The following RNF216 variants were observed in gnomAD, a reference collection of about 807,000 sequenced individuals.
The protein encoded by RNF216 is E3 ubiquitin-protein ligase RNF216.
Under a neutral mutation model 110.8 loss-of-function variants are expected in RNF216, and 72 were observed. The observed-to-expected ratio is 0.65, with a 90% CI of 0.54 to 0.79. The LOEUF (loss-of-function observed/expected upper bound fraction) is 0.79. Among genes scored for constraint, RNF216 ranks in the 30% least tolerant of loss-of-function variants. The pLI, the probability that RNF216 is intolerant of heterozygous loss-of-function variation, is 0.00. For synonymous variants in RNF216, 495 were observed against 407.5 expected (o/e 1.21, Z -2.59); for missense variants, 1,342 against 1,141.2 (o/e 1.18, Z -2.54).
chr7:5,677,091 T>C (rs146799683), intron 13 of RNF216, among the ~76,000 whole-genome samples: 38 of 152,344 alleles, frequency 2.5e-4, no homozygotes, highest in Non-Finnish European at 5.1e-4. Context: ...TCTCCCTTGT[T>C]TTTAGGGCAC....
chr7:5,691,839 G>A (rs1003831024), intron 13 of RNF216, among the ~76,000 whole-genome samples: 2 of 152,192 alleles, frequency 1.3e-5, no homozygotes, highest in South Asian at 2.1e-4. Context: ...TCTTACAGAA[G>A]GCAATGTCTG....
chr7:5,663,319 G>A (rs1214371037), intron 13 of RNF216, among the ~76,000 whole-genome samples: 2 of 152,166 alleles, frequency 1.3e-5, no homozygotes, highest in Non-Finnish European at 2.9e-5. Flanking sequence ...GGTGGCTTAC[G>A]CCTGTAATCC....
intron 1 of RNF216, chr7:5,780,318 C>G (rs1034912582): frequency 6.6e-6 from 1 of 152,168 alleles, no homozygotes; most frequent in Non-Finnish European, 1.5e-5. Context: ...AGGCCCTCTG[C>G]TCTGCTCACC....
intron 13 of RNF216, among the ~76,000 whole-genome samples, chr7:5,667,896 T>TG (rs1348204436): frequency 2.6e-5 from 4 of 152,146 alleles, no homozygotes; most frequent in Non-Finnish European, 5.9e-5. Context: ...GGTCTGGGCA[T>TG]GGGATGGGAA....
intron 11 of RNF216, among the ~76,000 whole-genome samples, chr7:5,714,744 T>G (rs1050023586): frequency 1.4e-5 from 2 of 147,060 alleles, no homozygotes; most frequent in Admixed American, 1.4e-4. Flanking sequence ...ATATATTTAA[T>G]CCAATAGGCT....
intron 5 of RNF216, among the ~76,000 whole-genome samples, chr7:5,738,062 C>G (rs1392739480): frequency 7.3e-6 from 1 of 137,882 alleles, no homozygotes; most frequent in Non-Finnish European, 1.5e-5. Context: ...GCACTCTAGC[C>G]TGGGCAACAG....
chr7:5,634,489 C>A (rs1473238504), intron 15 of RNF216, among the ~76,000 whole-genome samples: 1 of 152,214 alleles, frequency 6.6e-6, no homozygotes, highest in Admixed American at 6.5e-5. Context: ...TCCCCAGCAA[C>A]AGGAAGTTGG....
At chr7:5,705,987 G>A (rs1352881528) in intron 13 of RNF216, among the ~76,000 whole-genome samples, 1 of 151,850 alleles carries the variant, frequency 6.6e-6, no homozygotes, top group African/African-American at 2.4e-5. Flanking sequence ...GGAGGCCGAA[G>A]CAGGTGGAGG....
At chr7:5,757,855 T>C (rs1161182579) in intron 2 of RNF216, among the ~76,000 whole-genome samples, 1 of 152,082 alleles carries the variant, frequency 6.6e-6, no homozygotes, top group Non-Finnish European at 1.5e-5. Context: ...TGATGCATAA[T>C]AAAAAATTAT....
intron 13 of RNF216, among the ~76,000 whole-genome samples, chr7:5,667,622 C>T (rs1366023295): frequency 6.6e-6 from 1 of 152,234 alleles, no homozygotes; most frequent in African/African-American, 2.4e-5. Flanking sequence ...ACAAGCCAGG[C>T]TGACCTTGTC....
intron 9 of RNF216, among the ~76,000 whole-genome samples, chr7:5,720,546 G>A (rs564777929): frequency 4.9e-4 from 75 of 152,164 alleles, no homozygotes; most frequent in Non-Finnish European, 9.4e-4. Context: ...GCTGCACAGG[G>A]GGAAGCACTC....
intron 8 of RNF216, among the ~76,000 whole-genome samples, chr7:5,721,470 C>G (rs1020835100): frequency 2.0e-5 from 3 of 152,218 alleles, no homozygotes; most frequent in African/African-American, 7.2e-5. Flanking sequence ...TATTTCACTA[C>G]TGAGGACATT....
intron 1 of RNF216, among the ~76,000 whole-genome samples, chr7:5,774,661 T>C (rs1285027563): frequency 6.6e-5 from 10 of 152,074 alleles, no homozygotes; most frequent in African/African-American, 2.2e-4. Context: ...ACCATCAAAA[T>C]AGCTGCATTG....
chr7:5,701,175 G>A (rs755999023), intron 13 of RNF216, among the ~76,000 whole-genome samples: 2 of 152,148 alleles, frequency 1.3e-5, no homozygotes, highest in Admixed American at 6.5e-5. Flanking sequence ...CTTGAATAAC[G>A]TGGACTAAAG....
chr7:5,726,352 T>G (rs1320330339), intron 7 of RNF216, among the ~76,000 whole-genome samples: 1 of 152,152 alleles, frequency 6.6e-6, no homozygotes, highest in Non-Finnish European at 1.5e-5. Flanking sequence ...TGAGTCCCAT[T>G]CTGTAGGCAA....
At chr7:5,675,909 A>G (rs1790258793) in intron 13 of RNF216, among the ~76,000 whole-genome samples, 2 of 151,758 alleles carry the variant, frequency 1.3e-5, no homozygotes, top group South Asian at 2.1e-4. Context: ...GGGTTTCTCT[A>G]TGTTGGTCAG....
rs1462554476 is a variant in RNF216 at position 5,620,685 on chromosome 7, T to C, written c.*2175A>G. On this transcript the variant is annotated 3_prime_UTR_variant, in exon 17 of 17. Transcript: ENST00000389902. ...TCTCAAATGACCCACCCCTGGGGTT[T>C]GGCCTTAGGAGAAACATCACTCTGG... 6.6e-6 allele frequency: 1 copy of C among 152,342 alleles called. No individual in the cohort carries two copies. The highest frequency in any genetic ancestry group is 1.5e-5 in the Non-Finnish European group (1 of 68,140). 9.4% of individuals were successfully genotyped at this position (152,342 alleles called of 1,614,324 possible).
At chr7:5,691,930 G>C (rs918493232) in intron 13 of RNF216, among the ~76,000 whole-genome samples, 2 of 152,184 alleles carry the variant, frequency 1.3e-5, no homozygotes, top group Admixed American at 6.5e-5. Context: ...CAGACCCCAG[G>C]GGCCGACAGT....
rs1426244550 is a variant in RNF216, at chr7:5,741,183, T to C, written c.834A>G (p.Glu278=). The change falls in exon 4 of 17, where the codon GAA becomes GAG. Residue 278 remains glutamate (E), a synonymous_variant. Coordinates refer to ENST00000389902, the MANE Select transcript of RNF216 (RefSeq NM_207111.4). ...GGCCTGAAATCCCACCTTGCTGGGG[T>C]TCCGGCCTTGGAAAAGCGGGCCCTG... ...EFPGPAFPRP[E]PQQGGISGPS... is the part of the protein sequence containing the mutation. 1.9e-6 allele frequency: 3 copies of C among 1,613,892 alleles called. No individual in the cohort carries two copies. Among genetic ancestry groups the C allele is most frequent in the Non-Finnish European group, 2.5e-6 (3 of 1,180,010 alleles).
Sources: gnomAD v4.1 joint callset for allele counts (sites outside exome capture counted in the v4.1 genomes callset) on GRCh38, gnomAD v4.1.1 for gene constraint, MANE v1.5 for transcripts, NCBI Gene and HGNC (gene_info 2026-07-23, HGNC 2026-07-21) for gene names.